The following CASP4 variants were observed in gnomAD, a reference collection of about 807,000 sequenced individuals.
CASP4 encodes caspase-4.
In CASP4, 29 loss-of-function variants were observed where a neutral mutation model predicts 41.3. The ratio of observed to expected loss-of-function variants is 0.70; its 90% CI spans 0.52 to 0.96. The LOEUF (loss-of-function observed/expected upper bound fraction) is 0.96. Ranked by LOEUF, CASP4 falls within the 40% of genes least tolerant of loss-of-function variation. The probability of loss-of-function intolerance (pLI) is 0.00; values close to 1 mark genes in which losing one functional copy is unlikely to be tolerated. For synonymous variants in CASP4, 185 were observed against 158.4 expected (o/e 1.17, Z -1.26); for missense variants, 447 against 460.6 (o/e 0.97, Z 0.27).
At chr11:104,965,357 C>A (rs1172018871) in intron 1 of CASP4, among the ~76,000 whole-genome samples, 2 of 152,212 alleles carry the variant, frequency 1.3e-5, no homozygotes, top group African/African-American at 4.8e-5. Flanking sequence ...ACATTCTTCT[C>A]ACCTTGGGGT....
chr11:104,944,975 A>G (rs1860420615), intron 7 of CASP4, 124 bp from the exon 8 acceptor site: 4 of 684,428 alleles, frequency 5.8e-6, no homozygotes, highest in South Asian at 1.7e-5. Context: ...AACCAAGCCC[A>G]TGGGCATTCT....
At position 104,951,427 on chromosome 11, in the gene CASP4, A is replaced by C. The variant is rs1452231320; in HGVS notation, c.373-329T>G. On this transcript the variant is annotated intron_variant, in intron 3 of 8. Transcript: ENST00000444739. ...TTGTCGTTGACTCCAGTGAAAAATG[A>C]ATACAGCAAAAGTCTTTGCCTTCGG... is the stretch of plus-strand genomic sequence containing the variant. 3 of 251,124 alleles carry C rather than the reference A, an allele frequency of 1.2e-5. No individual in the cohort carries two copies. In the East Asian group the frequency reaches 2.6e-4, roughly 22 times the overall value. 15.6% of individuals were successfully genotyped at this position (251,124 alleles called of 1,614,324 possible).
chr11:104,956,444 T>G (rs186161501), intron 1 of CASP4, among the ~76,000 whole-genome samples: 1 of 152,180 alleles, frequency 6.6e-6, no homozygotes, highest in Non-Finnish European at 1.5e-5. Context: ...ATAAAACATA[T>G]ATTAACCTCT....
In CASP4 at chr11:104,948,514, G is replaced by T; in HGVS notation, c.925+19C>A. 1 of 1,565,644 alleles carries T rather than the reference G, an allele frequency of 6.4e-7. No homozygotes were observed. Among genetic ancestry groups the T allele is most frequent in the Non-Finnish European group, 8.7e-7 (1 of 1,149,494 alleles). On this transcript the variant is annotated intron_variant, in intron 6 of 8. Coordinates refer to ENST00000444739, the MANE Select transcript of CASP4 (RefSeq NM_001225.4). ...GCCTCAGGCCCACAAATCCCTTACTGCCACTGAAAGATACATACGTGGCGT... is the reference window on the plus strand; with the variant it reads ...GCCTCAGGCCCACAAATCCCTTACTTCCACTGAAAGATACATACGTGGCGT...
At chr11:104,952,630 C>T (rs1036152502) in intron 2 of CASP4, among the ~76,000 whole-genome samples, 2 of 152,156 alleles carry the variant, frequency 1.3e-5, no homozygotes, top group Non-Finnish European at 2.9e-5. Context: ...ACTACACATA[C>T]AGATAAATAC....
intron 8 of CASP4, chr11:104,944,401 A>C: frequency 4.7e-6 from 1 of 211,360 alleles, no homozygotes. Flanking sequence ...TGTGTAAGAA[A>C]GGGGAATAAA....
intron 1 of CASP4, chr11:104,956,749 AAC>A (rs1860745795): frequency 2.3e-6 from 1 of 436,864 alleles, no homozygotes; most frequent in African/African-American, 2.1e-5. Flanking sequence ...CAGATGTTGC[AAC>A]ACAGTGTGAT....
intron 8 of CASP4, chr11:104,944,366 CTCTGTGTG>C (rs1444400991): frequency 3.9e-4 from 42 of 107,410 alleles, no homozygotes; most frequent in East Asian, 3.5e-3. Context: ...CTCTCTCTCT[CTCTGTGTG>C]TGTGTGTGTG....
chr11:104,968,137 C>G (rs1861015951), intron 1 of CASP4, among the ~76,000 whole-genome samples: 1 of 152,034 alleles, frequency 6.6e-6, no homozygotes, highest in African/African-American at 2.4e-5. Context: ...TTCAGAGGCT[C>G]TCAGATCTGA....
chr11:104,943,034 C>T (rs1406278440), intron 8 of CASP4, 61 bp from the exon 9 acceptor site: 3 of 450,560 alleles, frequency 6.7e-6, no homozygotes, highest in Non-Finnish European at 1.3e-5. Flanking sequence ...TTCATCCCAT[C>T]CCTCATCATG....
chr11:104,956,703 G>A, intron 1 of CASP4: 2 of 953,578 alleles, frequency 2.1e-6, no homozygotes, highest in Non-Finnish European at 2.5e-6. Context: ...CTTCTGAGAA[G>A]AGGTAGCAAA....
intron 1 of CASP4, among the ~76,000 whole-genome samples, chr11:104,965,463 C>CTAT (rs1467495279): frequency 2.6e-5 from 4 of 152,168 alleles, no homozygotes; most frequent in African/African-American, 9.7e-5. Flanking sequence ...TAAGATTAAG[C>CTAT]TATTAGAAAA....
At chr11:104,955,187 C>T (rs1400250720) in intron 1 of CASP4, among the ~76,000 whole-genome samples, 186 bp from the exon 2 acceptor site, 1 of 152,058 alleles carries the variant, frequency 6.6e-6, no homozygotes. Context: ...AATTTATTGC[C>T]ACTAAATACT....
chr11:104,947,267 TG>T, intron 6 of CASP4, 75 bp from the exon 7 acceptor site: 1 of 922,836 alleles, frequency 1.1e-6, no homozygotes, highest in Non-Finnish European at 1.6e-6. Context: ...GTTTTGAGAA[TG>T]TTTTTAAAAA....
intron 2 of CASP4, 35 bp downstream of exon 2, chr11:104,954,712 A>G: frequency 1.2e-6 from 2 of 1,600,222 alleles, no homozygotes; most frequent in Non-Finnish European, 1.7e-6. Context: ...ATTTAGGGAA[A>G]ATTGAGACAT....
chr11:104,966,312 T>C (rs913106917), intron 1 of CASP4, among the ~76,000 whole-genome samples: 4 of 147,974 alleles, frequency 2.7e-5, no homozygotes, highest in Admixed American at 2.7e-4. Context: ...TTCATTCCCC[T>C]ATCCATTCAG....
chr11:104,949,608 T>TTGAA lies in CASP4; in HGVS notation c.712_715dup (p.Asn239IlefsTer47). The TTGAA allele has an allele frequency of 6.2e-7, 1 of 1,613,922 alleles. No homozygotes were observed. The highest frequency in any genetic ancestry group is 8.5e-7 in the Non-Finnish European group (1 of 1,179,868). ...CTTCAGACTGAGGCAGTTGCGGTTG[T>TTGAA]TGAATATCTGGAAGATGGTGTCATA... is the stretch of plus-strand genomic sequence containing the variant. On this transcript the variant is annotated frameshift_variant, in exon 5 of 9. Coordinates refer to ENST00000444739, the MANE Select transcript of CASP4 (RefSeq NM_001225.4). LOFTEE classifies it high-confidence loss of function.
At chr11:104,968,391 A>T (rs554712840) in intron 1 of CASP4, 128 bp downstream of exon 1, 1 of 838,180 alleles carries the variant, frequency 1.2e-6, no homozygotes, top group Non-Finnish European at 2.0e-6. Flanking sequence ...AACTACACAC[A>T]ATCAGTAAGA....
intron 1 of CASP4, among the ~76,000 whole-genome samples, chr11:104,961,141 C>T (rs555927861): frequency 1.4e-4 from 22 of 152,248 alleles, no homozygotes; most frequent in African/African-American, 4.1e-4. Context: ...CCCAAGTAGC[C>T]GCCTAGTTCT....
Sources: gnomAD v4.1 joint callset for allele counts (sites outside exome capture counted in the v4.1 genomes callset) on GRCh38, gnomAD v4.1.1 for gene constraint, MANE v1.5 for transcripts, NCBI Gene and HGNC (gene_info 2026-07-23, HGNC 2026-07-21) for gene names.